Variants in FUS observed in about 807,000 individuals in gnomAD.
The protein encoded by FUS is RNA-binding protein FUS.
In FUS, 5 loss-of-function variants were observed where a neutral mutation model predicts 82.7. The observed-to-expected ratio is 0.06, with a 90% confidence interval of 0.03 to 0.13. FUS has a LOEUF of 0.13. Ranked by LOEUF, FUS falls within the 10% of genes least tolerant of loss-of-function variation. The pLI, the probability that FUS is intolerant of heterozygous loss-of-function variation, is 1.00. For synonymous variants in FUS, 281 were observed against 247.4 expected (o/e 1.14, Z -1.27); for missense variants, 512 against 707.8 (o/e 0.72, Z 3.14).
downstream of FUS, chr16:31,193,411 G>A (rs1390681202): frequency 1.9e-6 from 1 of 527,244 alleles, no homozygotes; most frequent in African/African-American, 1.9e-5. Context: ...TTTGTTAAAT[G>A]TTTAGTTGAA....
intron 3 of FUS, chr16:31,182,898 T>A: frequency 1.9e-6 from 1 of 513,368 alleles, no homozygotes; most frequent in South Asian, 2.0e-5. Context: ...GTGTTTTTAG[T>A]AGAGATGGGG....
chr16:31,181,299 G>T (rs1395941394), intron 1 of FUS, among the ~76,000 whole-genome samples: 1 of 152,210 alleles, frequency 6.6e-6, no homozygotes, highest in African/African-American at 2.4e-5. Context: ...CCCTTTTCCT[G>T]CGGGGGAAGC....
chr16:31,183,345 G>A, intron 3 of FUS: 1 of 166,908 alleles, frequency 6.0e-6, no homozygotes, highest in Admixed American at 5.5e-5. Context: ...ATTTTCTTTG[G>A]CTTTTAATTT....
Position 31,190,325 on chromosome 16 carries a change from C to A in FUS, c.1219C>A (p.Arg407=), listed in dbSNP as rs527899607. Residue 407 remains arginine, a synonymous_variant, in exon 12 of 15, where the codon CGA becomes AGA. Coordinates refer to ENST00000254108, the MANE Select transcript of FUS (RefSeq NM_004960.4). ...AGGTGGTGGCAGTGGTGGTGGTGGC[C>A]GAGGAGGATTTCCCAGTGGAGGTGG... ...YGGGGSGGGG[R]GGFPSGGGGG... The A allele has an allele frequency of 6.2e-7, 1 of 1,613,906 alleles. No individual in the cohort carries two copies. The highest frequency in any genetic ancestry group is 1.7e-5 in the Admixed American group (1 of 59,976).
At chr16:31,184,438 CTTTT>C (rs370126678) in intron 5 of FUS, 42 bp downstream of exon 5, 1,579 of 1,203,930 alleles carry the variant, frequency 1.3e-3, no homozygotes, top group East Asian at 3.9e-3. Flanking sequence ...TTTTCTTTTT[CTTTT>C]TTTTTTTTTT....
At chr16:31,186,443 G>A (rs2079270646) in intron 6 of FUS, 1 of 419,234 alleles carries the variant, frequency 2.4e-6, no homozygotes, top group Admixed American at 3.8e-5. Context: ...GGTAAATTGG[G>A]GTAGGGTTTT....
chr16:31,185,266 G>T, intron 6 of FUS, 87 bp downstream of exon 6: 2 of 1,428,966 alleles, frequency 1.4e-6, no homozygotes, highest in Admixed American at 2.5e-5. Flanking sequence ...CTAGTGCATG[G>T]TTTAGTATTC....
intron 1 of FUS, 42 bp from the exon 2 acceptor site, chr16:31,182,356 A>G: frequency 6.2e-7 from 1 of 1,610,804 alleles, no homozygotes; most frequent in East Asian, 2.2e-5. Context: ...ACTCTTTCAG[A>G]GTGGCAGCTG....
chr16:31,183,534 T>C (rs573100884), intron 3 of FUS: 13 of 372,904 alleles, frequency 3.5e-5, no homozygotes, highest in Non-Finnish European at 6.6e-5. Context: ...AGAAAGGTGG[T>C]TGTCCTGTAG....
intron 1 of FUS, 121 bp downstream of exon 1, chr16:31,180,348 C>G (rs2058037158): frequency 1.6e-6 from 2 of 1,278,846 alleles, no homozygotes; most frequent in Admixed American, 4.0e-5. Context: ...GCCCCTGTGG[C>G]GGGAAGCCGC....
chr16:31,184,453 T>C, intron 5 of FUS, 57 bp downstream of exon 5: 3 of 1,442,326 alleles, frequency 2.1e-6, no homozygotes, highest in Non-Finnish European at 2.9e-6. Context: ...TTTTTTTTTT[T>C]TTGAGACGGA....
At chr16:31,180,531 G>A (rs1374824050) in intron 1 of FUS, among the ~76,000 whole-genome samples, 1 of 152,194 alleles carries the variant, frequency 6.6e-6, no homozygotes, top group Non-Finnish European at 1.5e-5. Context: ...CCCATTCTCC[G>A]TGGCCTCGCC....
downstream of FUS, chr16:31,193,873 C>T: frequency 1.9e-6 from 1 of 525,508 alleles, no homozygotes. Context: ...TGGTCTTGAA[C>T]TGGCCTCAAG....
In FUS at chr16:31,185,081, T is replaced by TGGCGGC. The variant is rs72550890; in HGVS notation, c.681_686dup (p.Gly230_Gly231dup). On this transcript the variant is annotated inframe_insertion, in exon 6 of 15. Coordinates refer to ENST00000254108, the MANE Select transcript of FUS (RefSeq NM_004960.4). ...GAGGCCGCGGCAGGGGTGGCAGTGG[T>TGGCGGC]GGCGGCGGCGGCGGCGGCGGTGGTG... The TGGCGGC allele has an allele frequency of 6.7e-5, 108 of 1,607,566 alleles. No individual in the cohort carries two copies. Among genetic ancestry groups the TGGCGGC allele is most frequent in the Middle Eastern group, 5.0e-4 (3 of 6,052 alleles).
chr16:31,189,962 GAA>G, intron 10 of FUS, 76 bp from the exon 11 acceptor site: 1 of 1,556,556 alleles, frequency 6.4e-7, no homozygotes, highest in Non-Finnish European at 8.8e-7. Context: ...AACCATTTGA[GAA>G]AGGCACGCTT....
chr16:31,192,624 G>C (rs972166252), downstream of FUS: 15 of 486,746 alleles, frequency 3.1e-5, no homozygotes, highest in Non-Finnish European at 5.7e-5. Context: ...GCAGTGGCGT[G>C]ATCTCGGCTC....
At chr16:31,183,739 CACTA>C in intron 3 of FUS, 115 bp from the exon 4 acceptor site, 8 of 1,258,108 alleles carry the variant, frequency 6.4e-6, no homozygotes, top group Non-Finnish European at 7.0e-6. Flanking sequence ...GTTGCAACAT[CACTA>C]ACAGCTTCTG....
intron 6 of FUS, chr16:31,186,444 G>A (rs1165512523): frequency 2.4e-6 from 1 of 418,418 alleles, no homozygotes; most frequent in Non-Finnish European, 4.4e-6. Context: ...GTAAATTGGG[G>A]TAGGGTTTTT....
Position 31,188,254 on chromosome 16 carries a change from C to T in FUS, c.800-71C>T, listed in dbSNP as rs1596905110. The stretch of plus-strand genomic sequence containing the variant: ...TAATTTTTTTCCTTGTCCGTTTTTT[C>T]CTGTTGACTAACGGCTCATCTTTTC... On this transcript the variant is annotated intron_variant, in intron 7 of 14. Transcript: ENST00000254108. 1.6e-5 allele frequency: 25 copies of T among 1,528,304 alleles called. No individual in the cohort carries two copies. The South Asian group carries it at 2.7e-4, about 16-fold the overall frequency. 94.7% of individuals were successfully genotyped at this position (1,528,304 alleles called of 1,614,324 possible).
Sources: allele counts gnomAD v4.1 joint callset (sites outside exome capture counted in the v4.1 genomes callset), GRCh38; gene constraint gnomAD v4.1.1; transcripts MANE v1.5; gene names NCBI Gene and HGNC (gene_info 2026-07-23, HGNC 2026-07-21).